Variants in CDH12 observed in about 807,000 individuals in gnomAD.
CDH12 encodes the protein cadherin 12, also known as cadherin-12.
CDH12 carries 41 observed loss-of-function variants against 74.1 expected under a neutral mutation model. The observed-to-expected ratio is 0.55, with a 90% CI of 0.43 to 0.72. CDH12 has a LOEUF of 0.72. CDH12 is among the 30% of genes least tolerant of loss of function. CDH12 has a pLI of 0.00. For missense variants in CDH12, 945 were observed against 977.2 expected (o/e 0.97, Z 0.44); for synonymous variants, 399 against 355.0 (o/e 1.12, Z -1.39).
chr5:22,601,320 C>T (rs1736845207), intron 1 of CDH12, among the ~76,000 whole-genome samples: 1 of 151,864 alleles, frequency 6.6e-6, no homozygotes, highest in South Asian at 2.1e-4. Flanking sequence ...AAACCGAATT[C>T]CACATGTTCT....
At chr5:22,354,339 A>G (rs1235120378) in intron 3 of CDH12, among the ~76,000 whole-genome samples, 1 of 152,122 alleles carries the variant, frequency 6.6e-6, no homozygotes, top group African/African-American at 2.4e-5. Flanking sequence ...ACCACCCCCA[A>G]CCCGCAACCA....
chr5:21,778,665 C>T (rs1745740033), intron 11 of CDH12, among the ~76,000 whole-genome samples: 1 of 151,714 alleles, frequency 6.6e-6, no homozygotes, highest in African/African-American at 2.4e-5. Context: ...TTATTACTTA[C>T]CAAAATTTAC....
chr5:22,692,498 C>A (rs79504504), intron 1 of CDH12, among the ~76,000 whole-genome samples: 9,042 of 151,256 alleles, frequency 0.06, 357 homozygotes, highest in Non-Finnish European at 0.083. Context: ...ATGTTAGGTG[C>A]AATATATTAA....
At chr5:22,026,186 TAGTG>T (rs1292479400) in intron 5 of CDH12, among the ~76,000 whole-genome samples, 2 of 152,096 alleles carry the variant, frequency 1.3e-5, no homozygotes, top group African/African-American at 4.8e-5. Context: ...GCCAGGCACT[TAGTG>T]AGGGAACAGG....
At chr5:22,278,563 C>T (rs1246855959) in intron 3 of CDH12, among the ~76,000 whole-genome samples, 2 of 151,372 alleles carry the variant, frequency 1.3e-5, no homozygotes, top group Non-Finnish European at 2.9e-5. Flanking sequence ...TTTTTTAACT[C>T]AGATTTTGAC....
intron 3 of CDH12, among the ~76,000 whole-genome samples, chr5:22,381,682 TTC>T (rs1436295740): frequency 6.6e-6 from 1 of 151,926 alleles, no homozygotes; most frequent in Non-Finnish European, 1.5e-5. Context: ...TATATCATGG[TTC>T]TTAGTTTTGG....
chr5:21,950,535 C>T (rs1306422766), intron 6 of CDH12, among the ~76,000 whole-genome samples: 1 of 151,452 alleles, frequency 6.6e-6, no homozygotes, highest in Non-Finnish European at 1.5e-5. Context: ...CATAGATTGG[C>T]AGAGTAGTTA....
At chr5:21,863,683 T>C (rs1006933070) in intron 6 of CDH12, among the ~76,000 whole-genome samples, 2 of 152,118 alleles carry the variant, frequency 1.3e-5, no homozygotes. Flanking sequence ...TGATATTGAA[T>C]TTTCTAATGT....
intron 2 of CDH12, among the ~76,000 whole-genome samples, chr5:22,430,227 G>T (rs1270372795): frequency 1.3e-5 from 2 of 151,728 alleles, no homozygotes; most frequent in Non-Finnish European, 2.9e-5. Context: ...AATTGGAGGT[G>T]TTCAAATTAG....
At chr5:22,440,580 T>C (rs757392769) in intron 2 of CDH12, among the ~76,000 whole-genome samples, 1 of 152,092 alleles carries the variant, frequency 6.6e-6, no homozygotes, top group Non-Finnish European at 1.5e-5. Context: ...AAACTCAAGG[T>C]GTCAGCAGAA....
chr5:22,372,242 A>T (rs949831500), intron 3 of CDH12, among the ~76,000 whole-genome samples: 4 of 152,102 alleles, frequency 2.6e-5, no homozygotes, highest in African/African-American at 9.7e-5. Context: ...ATATTGACAC[A>T]TTGGATAGAT....
chr5:21,814,759 A>T (rs1233500050), intron 9 of CDH12, among the ~76,000 whole-genome samples: 1 of 150,754 alleles, frequency 6.6e-6, no homozygotes, highest in Non-Finnish European at 1.5e-5. Context: ...AAATATTATG[A>T]CTTCTTAATT....
intron 4 of CDH12, among the ~76,000 whole-genome samples, chr5:22,129,670 A>T (rs562264144): frequency 1.3e-5 from 2 of 152,252 alleles, no homozygotes; most frequent in South Asian, 4.1e-4. Flanking sequence ...TCAGTGCTCC[A>T]GCTTTACGTG....
intron 3 of CDH12, among the ~76,000 whole-genome samples, chr5:22,382,202 A>ATTTATATATTTAAAATATATAATAT (rs1741790074): frequency 6.9e-6 from 1 of 145,754 alleles, no homozygotes; most frequent in African/African-American, 2.5e-5. Flanking sequence ...TTTATTAGAT[A>ATTTATATATTTAAAATATATAATAT]TTTATATATT....
chr5:21,846,641 C>T (rs1363320668), intron 7 of CDH12, among the ~76,000 whole-genome samples: 1 of 151,866 alleles, frequency 6.6e-6, no homozygotes, highest in Non-Finnish European at 1.5e-5. Flanking sequence ...CTTGTACTTT[C>T]TCCCCATCTT....
intron 5 of CDH12, among the ~76,000 whole-genome samples, chr5:21,991,501 T>TTA (rs199922394): frequency 0.31 from 5,566 of 17,854 alleles, 291 homozygotes; most frequent in African/African-American, 0.44. Context: ...ATATATACAT[T>TTA]TATATATATA....
chr5:22,341,897 T>C (rs964892485), intron 3 of CDH12, among the ~76,000 whole-genome samples: 5 of 151,958 alleles, frequency 3.3e-5, no homozygotes, highest in Non-Finnish European at 7.4e-5. Context: ...AAGCAAAAGA[T>C]GGAGAGAGTG....
At chr5:22,440,870 T>G (rs1262708757) in intron 2 of CDH12, among the ~76,000 whole-genome samples, 1 of 152,296 alleles carries the variant, frequency 6.6e-6, no homozygotes, top group African/African-American at 2.4e-5. Context: ...GAAGATAAAA[T>G]AGTCACAGGT....
chr5:22,041,528 T>C (rs935128685), intron 5 of CDH12, among the ~76,000 whole-genome samples: 3 of 152,114 alleles, frequency 2.0e-5, no homozygotes, highest in South Asian at 4.1e-4. Flanking sequence ...GCTATACTTA[T>C]ATAACAAACA....
Sources: allele counts gnomAD v4.1 joint callset (sites outside exome capture counted in the v4.1 genomes callset), GRCh38; gene constraint gnomAD v4.1.1; transcripts MANE v1.5; gene names NCBI Gene and HGNC (gene_info 2026-07-23, HGNC 2026-07-21).